The following HAPLN1 variants were observed in gnomAD, a reference collection of about 807,000 sequenced individuals.
HAPLN1 encodes Cartilage link protein.
A neutral mutation model predicts 36.5 loss-of-function variants in HAPLN1; 13 were observed. The ratio of observed to expected loss-of-function variants is 0.36; its 90% CI spans 0.23 to 0.57. The LOEUF is 0.57. HAPLN1 is among the 20% of genes least tolerant of loss of function. The pLI, the probability that HAPLN1 is intolerant of heterozygous loss-of-function variation, is 0.83. For missense variants in HAPLN1, 407 were observed against 439.7 expected (o/e 0.93, Z 0.66); for synonymous variants, 202 against 169.8 (o/e 1.19, Z -1.48).
intron 1 of HAPLN1, among the ~76,000 whole-genome samples, chr5:83,705,294 G>A (rs1751613085): frequency 6.7e-6 from 1 of 150,104 alleles, no homozygotes; most frequent in Admixed American, 6.7e-5. Flanking sequence ...GGAGGCTGAG[G>A]CAGGAGAACC....
intron 1 of HAPLN1, among the ~76,000 whole-genome samples, chr5:83,692,648 A>C (rs576994178): frequency 2.0e-5 from 3 of 152,086 alleles, no homozygotes; most frequent in Middle Eastern, 3.4e-3. Context: ...GCAGAAGAAA[A>C]ATGATAACAG....
intron 2 of HAPLN1, among the ~76,000 whole-genome samples, chr5:83,670,504 A>G (rs1015461518): frequency 1.1e-4 from 17 of 152,342 alleles, no homozygotes; most frequent in African/African-American, 4.1e-4. Context: ...AATTATTTCA[A>G]TGAAAAATTA....
intron 2 of HAPLN1, among the ~76,000 whole-genome samples, chr5:83,670,841 C>T (rs1468303252): frequency 6.6e-6 from 1 of 151,946 alleles, no homozygotes; most frequent in Non-Finnish European, 1.5e-5. Context: ...ATTACAGGCA[C>T]CTGCCACCAC....
intron 1 of HAPLN1, among the ~76,000 whole-genome samples, chr5:83,691,593 CT>C (rs1436012841): frequency 2.6e-5 from 4 of 151,990 alleles, no homozygotes; most frequent in Non-Finnish European, 1.5e-5. Flanking sequence ...AAGAATCAAA[CT>C]GTTTCTAAGT....
At chr5:83,647,132 C>T (rs2112558448) in intron 3 of HAPLN1, among the ~76,000 whole-genome samples, 1 of 152,262 alleles carries the variant, frequency 6.6e-6, no homozygotes, top group Non-Finnish European at 1.5e-5. Flanking sequence ...AGTAATTTGT[C>T]CTTGATTAAC....
At chr5:83,642,478 A>G (rs1242877816) in intron 4 of HAPLN1, among the ~76,000 whole-genome samples, 1 of 152,208 alleles carries the variant, frequency 6.6e-6, no homozygotes, top group Admixed American at 6.5e-5. Flanking sequence ...CTAGGAAGAC[A>G]AATTAGTCCC....
intron 1 of HAPLN1, among the ~76,000 whole-genome samples, chr5:83,717,831 G>A (rs1156277122): frequency 6.6e-6 from 1 of 152,032 alleles, no homozygotes; most frequent in Non-Finnish European, 1.5e-5. Flanking sequence ...CTAATTATTA[G>A]TGTTTGAGAG....
At chr5:83,676,827 T>G (rs1244287757) in intron 1 of HAPLN1, among the ~76,000 whole-genome samples, 1 of 152,182 alleles carries the variant, frequency 6.6e-6, no homozygotes, top group Admixed American at 6.5e-5. Context: ...TTTCACAGCC[T>G]TACAAATCTT....
chr5:83,638,203 T>C lies in HAPLN1; in HGVS notation c.*3293A>G, dbSNP rs1749570876. ...TCAGAAGAATTAAAAGATACTGCAG[T>C]AACACAAAATTGACTTTTAATGTAC... On this transcript the variant is annotated 3_prime_UTR_variant, in exon 5 of 5. Transcript: ENST00000274341. 1 of 152,008 alleles carries C rather than the reference T, an allele frequency of 6.6e-6. No individual in the cohort carries two copies. Among genetic ancestry groups the C allele is most frequent in the Admixed American group, 6.6e-5 (1 of 15,260 alleles). The allele number at this position is 152,008 out of a possible 1,614,324, so 9.4% of individuals were successfully genotyped here. A position where few individuals can be genotyped will look rare whatever the true frequency, so the allele number is the denominator to read the frequency against.
intron 1 of HAPLN1, 73 bp downstream of exon 1, chr5:83,720,716 G>A (rs1751999147): frequency 6.6e-6 from 1 of 152,190 alleles, no homozygotes; most frequent in African/African-American, 2.4e-5. Flanking sequence ...TACATTGCAT[G>A]TGTATTGCCC....
In HAPLN1 at chr5:83,682,785, T is replaced by G. The variant is rs370547898; in HGVS notation, c.-26-9236A>C. 6.6e-5 allele frequency among the ~76,000 whole-genome samples: 10 copies of G among 152,182 alleles called. No homozygotes were observed. The East Asian group carries it at 1.7e-3, about 26-fold the overall frequency. On this transcript the variant is annotated intron_variant, in intron 1 of 4. Coordinates refer to ENST00000274341, the MANE Select transcript of HAPLN1 (RefSeq NM_001884.4). ...AGCTCATTAAATTGAGTTTCCAAAT[T>G]GGTTTTGTGATGCAGGATATAGCCC...
intron 2 of HAPLN1, among the ~76,000 whole-genome samples, chr5:83,653,201 T>C (rs990907192): frequency 4.9e-4 from 74 of 152,336 alleles, no homozygotes; most frequent in Middle Eastern, 3.4e-3. Flanking sequence ...GAGAGTTGCA[T>C]GATGGGTTCG....
intron 1 of HAPLN1, among the ~76,000 whole-genome samples, chr5:83,711,749 TAA>T (rs1751789637): frequency 6.6e-6 from 1 of 152,186 alleles, no homozygotes; most frequent in Admixed American, 6.5e-5. Context: ...CTTTGACTCT[TAA>T]AAGTGTTCTG....
At chr5:83,680,076 C>T (rs1750962952) in intron 1 of HAPLN1, among the ~76,000 whole-genome samples, 1 of 152,150 alleles carries the variant, frequency 6.6e-6, no homozygotes, top group Non-Finnish European at 1.5e-5. Context: ...CTAGCTCTCT[C>T]TCTCAGACAA....
Position 83,641,385 on chromosome 5 carries a change from T to C in HAPLN1, c.*111A>G, listed in dbSNP as rs938895643. The C allele has an allele frequency of 1.5e-5, 14 of 955,730 alleles. No individual in the cohort carries two copies. The highest frequency in any genetic ancestry group is 2.2e-5 in the Non-Finnish European group (14 of 650,242). 59.2% of individuals were successfully genotyped at this position (955,730 alleles called of 1,614,324 possible). A position where few individuals can be genotyped will look rare whatever the true frequency, so the allele number is the denominator to read the frequency against. ...TATGAAAATGACTCTTTACAGTAAGTAAAAAAGGGTTATCACAGTTTTGGT... is the reference window on the plus strand; with the variant it reads ...TATGAAAATGACTCTTTACAGTAAGCAAAAAAGGGTTATCACAGTTTTGGT... On this transcript the variant is annotated 3_prime_UTR_variant, in exon 5 of 5. Coordinates refer to ENST00000274341, the MANE Select transcript of HAPLN1 (RefSeq NM_001884.4).
chr5:83,644,313 A>G, intron 4 of HAPLN1, 50 bp downstream of exon 4: 1 of 1,338,922 alleles, frequency 7.5e-7, no homozygotes, highest in Non-Finnish European at 1.0e-6. Context: ...GTGTTATAGT[A>G]TGGAATAGTC....
rs565930693 is a variant in HAPLN1, at chr5:83,708,225, G to T, written c.-27+12564C>A. On this transcript the variant is annotated intron_variant, in intron 1 of 4. Coordinates refer to ENST00000274341, the MANE Select transcript of HAPLN1 (RefSeq NM_001884.4). ...CCCAGTACTGGGGATATACTCAGAG[G>T]AATATAAATCATTCTACCATAAAGA... 2.0e-5 allele frequency among the ~76,000 whole-genome samples: 3 copies of T among 152,264 alleles called. No individual in the cohort carries two copies. The South Asian group carries it at 6.2e-4, about 32-fold the overall frequency.
intron 1 of HAPLN1, among the ~76,000 whole-genome samples, chr5:83,699,130 A>G (rs536546407): frequency 6.6e-6 from 1 of 152,358 alleles, no homozygotes; most frequent in African/African-American, 2.4e-5. Flanking sequence ...GTAAAAAGTG[A>G]GCTTTGTCAT....
chr5:83,677,269 C>T (rs573346489), intron 1 of HAPLN1, among the ~76,000 whole-genome samples: 1 of 152,272 alleles, frequency 6.6e-6, no homozygotes, highest in African/African-American at 2.4e-5. Context: ...AGGTACCCAG[C>T]ATGTACAACA....
Sources: allele counts gnomAD v4.1 joint callset (sites outside exome capture counted in the v4.1 genomes callset), GRCh38; gene constraint gnomAD v4.1.1; transcripts MANE v1.5; gene names NCBI Gene and HGNC (gene_info 2026-07-23, HGNC 2026-07-21).